CCDC77: variants seen among roughly 807,000 people sequenced by gnomAD.
CCDC77 encodes coiled-coil domain-containing protein 77.
Under a neutral mutation model 66.8 loss-of-function variants are expected in CCDC77, and 56 were observed. The observed-to-expected ratio is 0.84, with a 90% CI of 0.68 to 1.05. CCDC77 has a LOEUF of 1.05. CCDC77 is among the 50% of genes least tolerant of loss of function. The probability of loss-of-function intolerance (pLI) is 0.00; values close to 1 mark genes in which losing one functional copy is unlikely to be tolerated. For missense variants in CCDC77, 570 were observed against 576.8 expected (o/e 0.99, Z 0.12); for synonymous variants, 196 against 195.2 (o/e 1.00, Z -0.03).
chr12:412,100 C>T (rs1945123295), intron 4 of CCDC77, 122 bp downstream of exon 4: 1 of 758,880 alleles, frequency 1.3e-6, no homozygotes, highest in East Asian at 2.7e-5. Context: ...TTTTATTCCC[C>T]AGCCCAGCTA....
chr12:439,273 A>G (rs1341183764), intron 10 of CCDC77, among the ~76,000 whole-genome samples: 1 of 151,858 alleles, frequency 6.6e-6, no homozygotes, highest in Admixed American at 6.6e-5. Flanking sequence ...TAATCCCAGC[A>G]CTTTGGGAGG....
chr12:407,831 A>G (rs1280132218), intron 2 of CCDC77, among the ~76,000 whole-genome samples: 2 of 114,364 alleles, frequency 1.7e-5, no homozygotes, highest in Non-Finnish European at 3.2e-5. Flanking sequence ...TCTGTTGCCC[A>G]GGCTGGAGTG....
intron 4 of CCDC77, among the ~76,000 whole-genome samples, chr12:417,765 C>T (rs1464546991): frequency 6.6e-6 from 1 of 151,886 alleles, no homozygotes; most frequent in Admixed American, 6.6e-5. Flanking sequence ...ATTAGCTGGG[C>T]GTGGTGCACA....
intron 9 of CCDC77, among the ~76,000 whole-genome samples, chr12:436,096 C>G (rs1011256260): frequency 6.7e-6 from 1 of 150,072 alleles, no homozygotes; most frequent in African/African-American, 2.5e-5. Flanking sequence ...TTAAATTGTT[C>G]CTATTGCTGA....
At chr12:436,914 A>AT (rs1945770404) in intron 9 of CCDC77, 1 of 219,302 alleles carries the variant, frequency 4.6e-6, no homozygotes, top group Admixed American at 6.5e-5. Context: ...ACAGAATAAA[A>AT]TAACTCATTG....
chr12:407,782 ATT>A (rs386375348), intron 2 of CCDC77, among the ~76,000 whole-genome samples: 3 of 100,426 alleles, frequency 3.0e-5, no homozygotes, highest in African/African-American at 4.0e-5. Context: ...AGGACTGAAG[ATT>A]TTTTTTTTTT....
chr12:427,271 G>A (rs1001598756), intron 5 of CCDC77, among the ~76,000 whole-genome samples: 1 of 151,104 alleles, frequency 6.6e-6, no homozygotes, highest in Non-Finnish European at 1.5e-5. Context: ...ACGGACTCGG[G>A]CCTGAAAAAC....
At chr12:416,405 A>G (rs150895104) in intron 4 of CCDC77, among the ~76,000 whole-genome samples, 7,239 of 54,256 alleles carry the variant, frequency 0.13, 1,119 homozygotes, top group East Asian at 0.46. Flanking sequence ...ATATATATAT[A>G]TATATATATA....
intron 4 of CCDC77, among the ~76,000 whole-genome samples, chr12:417,639 G>C (rs1022406816): frequency 4.6e-5 from 7 of 152,190 alleles, no homozygotes; most frequent in Admixed American, 3.9e-4. Flanking sequence ...GATAGGCTAG[G>C]TGTGGTGGCT....
chr12:394,063 T>C (rs976431424), intron 1 of CCDC77, among the ~76,000 whole-genome samples: 2 of 152,240 alleles, frequency 1.3e-5, no homozygotes, highest in African/African-American at 4.8e-5. Context: ...TAATTTTCAC[T>C]TGAAAGCTCA....
rs1280202433 is a variant in CCDC77, at chr12:415,390, T to A, written c.271-3104T>A. ...TAATATAATCAACATAATATTATGT[T>A]AATATAATCAACATAATATGTTGAT... On this transcript the variant is annotated intron_variant, in intron 4 of 12. Coordinates refer to ENST00000239830, the MANE Select transcript of CCDC77 (RefSeq NM_032358.4). Among the ~76,000 whole-genome samples, 8 of 90,318 alleles carry A rather than the reference T, an allele frequency of 8.9e-5. 3 individuals are homozygous for A. Among genetic ancestry groups the A allele is most frequent in the African/African-American group, 3.1e-4 (8 of 25,558 alleles). 59.3% of individuals were successfully genotyped at this position (90,318 alleles called of 152,430 possible). A position where few individuals can be genotyped will look rare whatever the true frequency, so the allele number is the denominator to read the frequency against.
At chr12:397,397 TATTAATGTAATTAACAGAG>T (rs1944842327), upstream of CCDC77, among the ~76,000 whole-genome samples, 1 of 152,146 alleles carries the variant, frequency 6.6e-6, no homozygotes, top group Non-Finnish European at 1.5e-5. Flanking sequence ...TTTGGGAAGA[TATTAATGTAATTAACAGAG>T]AAAATCACAA....
At chr12:415,461 T>C (rs892983574) in intron 4 of CCDC77, among the ~76,000 whole-genome samples, 24 of 146,294 alleles carry the variant, frequency 1.6e-4, no homozygotes, top group Admixed American at 1.2e-3. Context: ...TTAACATAAT[T>C]ATTAACATAA....
At chr12:402,176 C>T (rs1324261870) in intron 1 of CCDC77, among the ~76,000 whole-genome samples, 1 of 152,160 alleles carries the variant, frequency 6.6e-6, no homozygotes. Context: ...GAGATAGGTG[C>T]AGAGACCCTA....
chr12:397,184 CA>C (rs1944839115), upstream of CCDC77, among the ~76,000 whole-genome samples: 1 of 152,044 alleles, frequency 6.6e-6, no homozygotes, highest in African/African-American at 2.4e-5. Context: ...CCAGCCTGGA[CA>C]AAAATCACCT....
chr12:440,509 T>G, intron 10 of CCDC77, 108 bp from the exon 11 acceptor site: 1 of 1,305,504 alleles, frequency 7.7e-7, no homozygotes, highest in South Asian at 1.4e-5. Context: ...TAACTCATTT[T>G]GTACCTCTGG....
intron 4 of CCDC77, among the ~76,000 whole-genome samples, chr12:414,675 T>C (rs1945187852): frequency 6.6e-6 from 1 of 152,198 alleles, no homozygotes; most frequent in South Asian, 2.1e-4. Flanking sequence ...TTCTCATGCC[T>C]TAACTTTTTC....
intron 5 of CCDC77, among the ~76,000 whole-genome samples, chr12:425,349 G>T (rs753758260): frequency 1.4e-5 from 2 of 138,108 alleles, no homozygotes; most frequent in African/African-American, 3.3e-5. Context: ...GCATGGTCTC[G>T]CTCCAGATTC....
chr12:427,229 A>G (rs1945552847), intron 5 of CCDC77, among the ~76,000 whole-genome samples: 1 of 149,382 alleles, frequency 6.7e-6, no homozygotes, highest in Non-Finnish European at 1.5e-5. Flanking sequence ...TGGGCGACAG[A>G]GCGAGACTCT....
Sources: allele counts gnomAD v4.1 joint callset (sites outside exome capture counted in the v4.1 genomes callset), GRCh38; gene constraint gnomAD v4.1.1; transcripts MANE v1.5; gene names NCBI Gene and HGNC (gene_info 2026-07-23, HGNC 2026-07-21).